Variants in CWC22 observed in about 807,000 individuals in gnomAD.
CWC22 encodes CWC22 spliceosome associated protein, also known as pre-mRNA-splicing factor CWC22 homolog.
In CWC22, 53 loss-of-function variants were observed where a neutral mutation model predicts 117.2. That is an observed-to-expected ratio of 0.45 (90% CI 0.36 to 0.57). CWC22 has a LOEUF of 0.57. Ranked by LOEUF, CWC22 falls within the 20% of genes least tolerant of loss-of-function variation. The pLI, the probability that CWC22 is intolerant of heterozygous loss-of-function variation, is 0.00. For missense variants in CWC22, 980 were observed against 1,068.8 expected, an observed-to-expected ratio of 0.92 and a Z score of 1.16; for synonymous variants, 360 against 355.6, an observed-to-expected ratio of 1.01 and a Z score of -0.14.
intron 14 of CWC22, among the ~76,000 whole-genome samples, chr2:179,957,849 A>C (rs1686637256): frequency 6.6e-6 from 1 of 152,018 alleles, no homozygotes; most frequent in African/African-American, 2.4e-5. Flanking sequence ...TTAGAAAAAA[A>C]AAAACAGAAG....
In CWC22 at chr2:179,954,963, TA is replaced by T; in HGVS notation, c.1529del (p.Leu510Ter). 1 of 1,585,264 alleles carries T rather than the reference TA, an allele frequency of 6.3e-7. No homozygotes were observed. The highest frequency in any genetic ancestry group is 8.6e-7 in the Non-Finnish European group (1 of 1,160,936). On this transcript the variant is annotated frameshift_variant, in exon 15 of 20. Transcript: ENST00000410053. LOFTEE classifies it high-confidence loss of function. ...QRTYEKFFGLLAGRFCMLKKE... is the reference protein window; with the variant it reads ...QRTYEKFFGLXAGRFCMLKKE... ...AGTAGAGGCTGGAACTCACCCCAGC[TA>T]ATAAGCCAAAAAATTTTTCGTATGT...
chr2:180,000,393 CTGACTTGATACTTAATG>C (rs373075001), intron 1 of CWC22, among the ~76,000 whole-genome samples: 33 of 152,302 alleles, frequency 2.2e-4, no homozygotes, highest in Middle Eastern at 3.4e-3. Context: ...TTAGCATATA[CTGACTTGATACTTAATG>C]TGACTTGATA....
intron 1 of CWC22, among the ~76,000 whole-genome samples, chr2:179,994,006 A>C (rs1278283165): frequency 6.6e-6 from 1 of 152,206 alleles, no homozygotes. Flanking sequence ...AAAGCTTCAG[A>C]TATATGCACA....
chr2:179,969,217 T>C (rs535956110), intron 11 of CWC22, among the ~76,000 whole-genome samples: 35 of 152,244 alleles, frequency 2.3e-4, no homozygotes, highest in African/African-American at 7.0e-4. Flanking sequence ...CAAAAAACAT[T>C]TGGCATTTTT....
At chr2:179,989,926 T>G (rs1687518729) in intron 2 of CWC22, among the ~76,000 whole-genome samples, 1 of 152,180 alleles carries the variant, frequency 6.6e-6, no homozygotes, top group African/African-American at 2.4e-5. Flanking sequence ...GCTTGCCTCC[T>G]TAATGAAGAA....
At position 179,970,826 on chromosome 2, in the gene CWC22, T is replaced by C. The variant is rs1687014681; in HGVS notation, c.971A>G (p.His324Arg). Residue 324 changes from histidine to arginine, a missense_variant, in exon 10 of 20, where the codon CAT (histidine) becomes CGT (arginine). His to Arg is a conservative substitution (Grantham distance 29). Transcript: ENST00000410053. Reference protein sequence around the residue: ...AIFERLRNILHESEIDKRVQY... With the variant: ...AIFERLRNILRESEIDKRVQY... ...AACTCTTTTGTCAATTTCAGACTCA[T>C]GCAGAATGTTTCGAAGGCGTTCAAA... 1 of 1,613,616 alleles carries C rather than the reference T, an allele frequency of 6.2e-7. No individual in the cohort carries two copies. The highest frequency in any genetic ancestry group is 8.5e-7 in the Non-Finnish European group (1 of 1,179,722).
chr2:179,946,745 G>A (rs1408123887), intron 19 of CWC22, among the ~76,000 whole-genome samples: 2 of 152,174 alleles, frequency 1.3e-5, no homozygotes, highest in East Asian at 3.9e-4. Context: ...CATAGGAGGA[G>A]TAGAACAACT....
At chr2:180,001,032 A>G (rs1174225377) in intron 1 of CWC22, among the ~76,000 whole-genome samples, 2 of 152,158 alleles carry the variant, frequency 1.3e-5, no homozygotes, top group Non-Finnish European at 2.9e-5. Context: ...AGATTCCCCA[A>G]TGTGCTTCTT....
chr2:179,990,350 A>T (rs1687528850), intron 2 of CWC22, among the ~76,000 whole-genome samples: 1 of 152,222 alleles, frequency 6.6e-6, no homozygotes, highest in Non-Finnish European at 1.5e-5. Flanking sequence ...CAATGGTAAC[A>T]TAAAATACAA....
In CWC22 at chr2:179,945,054, T is replaced by C; in HGVS notation, c.*75A>G. The stretch of plus-strand genomic sequence containing the variant: ...CAATACTTTATACAAGAATTCTCTA[T>C]AAAGTTCGTCAAAGTAAAAAATAAT... On this transcript the variant is annotated 3_prime_UTR_variant, in exon 20 of 20. Coordinates refer to ENST00000410053, the MANE Select transcript of CWC22 (RefSeq NM_020943.3). 3 of 987,518 alleles carry C rather than the reference T, an allele frequency of 3.0e-6. No homozygotes were observed. Among genetic ancestry groups the C allele is most frequent in the Non-Finnish European group, 4.4e-6 (3 of 683,246 alleles). 61.2% of individuals were successfully genotyped at this position (987,518 alleles called of 1,614,324 possible).
At chr2:179,955,174 A>C in intron 14 of CWC22, 140 bp from the exon 15 acceptor site, 1 of 632,736 alleles carries the variant, frequency 1.6e-6, no homozygotes, top group South Asian at 2.3e-5. Flanking sequence ...TAAAATAAAA[A>C]CCTCAATCTA....
chr2:179,976,378 T>C (rs1687151999), intron 6 of CWC22, among the ~76,000 whole-genome samples: 2 of 152,044 alleles, frequency 1.3e-5, no homozygotes, highest in South Asian at 4.1e-4. Context: ...ATATGACCCC[T>C]AAAGCACAGG....
At chr2:179,969,704 G>A (rs1298474670) in intron 11 of CWC22, among the ~76,000 whole-genome samples, 1 of 151,948 alleles carries the variant, frequency 6.6e-6, no homozygotes, top group African/African-American at 2.4e-5. Context: ...TTAATACAAA[G>A]GTAAATTTTA....
At chr2:179,990,950 CAAGTT>C (rs1687550664) in intron 2 of CWC22, among the ~76,000 whole-genome samples, 1 of 152,098 alleles carries the variant, frequency 6.6e-6, no homozygotes. Context: ...AGGATTTCAC[CAAGTT>C]AAGAATCACT....
intron 1 of CWC22, among the ~76,000 whole-genome samples, chr2:179,998,232 T>G (rs1687756895): frequency 6.6e-6 from 1 of 152,144 alleles, no homozygotes; most frequent in East Asian, 1.9e-4. Context: ...TACTTTATAG[T>G]GAAGAACTTA....
intron 11 of CWC22, among the ~76,000 whole-genome samples, chr2:179,966,790 G>A (rs772272577): frequency 5.3e-5 from 8 of 152,092 alleles, no homozygotes; most frequent in Non-Finnish European, 1.2e-4. Context: ...CTTTACTTTC[G>A]CATTTCTATT....
At chr2:179,964,890 A>T (rs1393111163) in intron 12 of CWC22, among the ~76,000 whole-genome samples, 1 of 152,166 alleles carries the variant, frequency 6.6e-6, no homozygotes, top group Non-Finnish European at 1.5e-5. Flanking sequence ...GCTCATTTAG[A>T]CACTATAAAA....
At chr2:179,971,981 T>A (rs1687046657) in intron 8 of CWC22, among the ~76,000 whole-genome samples, 1 of 152,136 alleles carries the variant, frequency 6.6e-6, no homozygotes, top group African/African-American at 2.4e-5. Context: ...TGCAAAAAAT[T>A]TATCATATCG....
chr2:179,993,127 T>A (rs1283644234), intron 2 of CWC22, among the ~76,000 whole-genome samples, 188 bp downstream of exon 2: 2 of 152,248 alleles, frequency 1.3e-5, no homozygotes, highest in Non-Finnish European at 2.9e-5. Flanking sequence ...GTTAGATGGA[T>A]GTATTAGGTT....
Sources: gnomAD v4.1 joint callset for allele counts (sites outside exome capture counted in the v4.1 genomes callset) on GRCh38, gnomAD v4.1.1 for gene constraint, MANE v1.5 for transcripts, NCBI Gene and HGNC (gene_info 2026-07-23, HGNC 2026-07-21) for gene names.